Variants in UPRT observed in about 807,000 individuals in gnomAD.
UPRT encodes RP11-311P8.3.
Under a neutral mutation model 22.6 loss-of-function variants are expected in UPRT, and 5 were observed. That is an observed-to-expected ratio of 0.22 (90% confidence interval 0.12 to 0.47). The LOEUF is 0.47. Among genes scored for constraint, UPRT ranks in the 20% least tolerant of loss-of-function variants. UPRT has a pLI of 0.99. For missense variants in UPRT, 181 were observed against 239.9 expected (o/e 0.75, Z 1.62); for synonymous variants, 77 against 87.7 (o/e 0.88, Z 0.68).
chrX:75,251,865 T>C lies in UPRT; in HGVS notation c.-446-39159T>C, dbSNP rs2082531462. ...CATGGTACTGGTACCAAAACAGAGA[T>C]ATAGACCAATGGAACAGAACAGAGC... On this transcript the variant is annotated intron_variant, in intron 4 of 13. Transcript: ENST00000652605. Among the ~76,000 whole-genome samples the C allele has an allele frequency of 5.4e-5, 6 of 110,495 alleles. No homozygotes were observed. In the Admixed American group the frequency reaches 5.8e-4, roughly 11 times the overall value.
At chrX:75,163,270 C>T (rs1452815767) in intron 3 of UPRT, among the ~76,000 whole-genome samples, 1 of 111,897 alleles carries the variant, frequency 8.9e-6, no homozygotes, top group African/African-American at 3.2e-5. Context: ...GAAACAGAAT[C>T]TCTTTGGTTT....
intron 4 of UPRT, among the ~76,000 whole-genome samples, chrX:75,191,725 A>C (rs2082315908): frequency 8.9e-6 from 1 of 112,099 alleles, no homozygotes; most frequent in African/African-American, 3.2e-5. Context: ...CTGTGCTAGC[A>C]ATGAGCGAGG....
chrX:75,213,390 A>G (rs944755488), intron 4 of UPRT, among the ~76,000 whole-genome samples: 31 of 112,267 alleles, frequency 2.8e-4, no homozygotes, highest in Non-Finnish European at 2.6e-4. Context: ...ATTTAAAAAA[A>G]TGATTACTTT....
chrX:75,240,668 G>A (rs1362569581), intron 4 of UPRT, among the ~76,000 whole-genome samples: 3 of 111,583 alleles, frequency 2.7e-5, no homozygotes, highest in Non-Finnish European at 5.7e-5. Flanking sequence ...CACATTACTT[G>A]ACTTCAAAGT....
intron 4 of UPRT, among the ~76,000 whole-genome samples, chrX:75,248,497 G>A (rs963631764): frequency 8.9e-6 from 1 of 111,747 alleles, no homozygotes; most frequent in Non-Finnish European, 1.9e-5. Context: ...AGTGTGAAGA[G>A]AAGTTTAGAG....
At chrX:75,186,850 T>C (rs374532393) in intron 4 of UPRT, among the ~76,000 whole-genome samples, 16 of 110,844 alleles carry the variant, frequency 1.4e-4, no homozygotes, top group South Asian at 7.6e-4. Flanking sequence ...GCAACCCCTG[T>C]CTTTTTTTGT....
intron 4 of UPRT, among the ~76,000 whole-genome samples, chrX:75,175,917 C>T (rs925645362): frequency 1.8e-5 from 2 of 110,984 alleles, no homozygotes; most frequent in Admixed American, 9.6e-5. Flanking sequence ...GAGTTTGCCA[C>T]GTTTAATAAT....
At chrX:75,249,395 T>G (rs1306935752) in intron 4 of UPRT, among the ~76,000 whole-genome samples, 1 of 110,896 alleles carries the variant, frequency 9.0e-6, no homozygotes, top group Non-Finnish European at 1.9e-5. Context: ...CAAAAAAAAG[T>G]CAGTGGTTGC....
At position 75,191,417 on chromosome X, in the gene UPRT, G is replaced by C. The variant is rs1056880701; in HGVS notation, c.-447+23538G>C. On this transcript the variant is annotated intron_variant, in intron 4 of 13. Transcript: ENST00000652605. The stretch of plus-strand genomic sequence containing the variant: ...GGGGTGCTTCCCAGTTAGGCTACTC[G>C]GGGGTGAGGGACCCACTTGAGGAGG... 9.0e-5 allele frequency among the ~76,000 whole-genome samples: 10 copies of C among 111,673 alleles called. No individual in the cohort carries two copies. The Admixed American group carries it at 9.5e-4, about 11-fold the overall frequency.
chrX:75,248,479 T>C (rs2082515358), intron 4 of UPRT, among the ~76,000 whole-genome samples: 1 of 111,330 alleles, frequency 9.0e-6, no homozygotes, highest in African/African-American at 3.3e-5. Context: ...ACAAAATGAA[T>C]GAAATGAAGT....
At chrX:75,240,493 G>A (rs1383470273) in intron 4 of UPRT, among the ~76,000 whole-genome samples, 2 of 111,495 alleles carry the variant, frequency 1.8e-5, no homozygotes, top group Non-Finnish European at 1.9e-5. Context: ...CATGGATGGG[G>A]AGCACACTGC....
At chrX:75,219,652 C>G (rs2082404030) in intron 4 of UPRT, among the ~76,000 whole-genome samples, 1 of 111,076 alleles carries the variant, frequency 9.0e-6, no homozygotes, top group Non-Finnish European at 1.9e-5. Context: ...AGATAGGGGC[C>G]AATTCAGTGA....
chrX:75,185,827 C>A (rs2082288324), intron 4 of UPRT, among the ~76,000 whole-genome samples: 1 of 111,427 alleles, frequency 9.0e-6, no homozygotes, highest in African/African-American at 3.3e-5. Context: ...TTGTAATATT[C>A]TCTGATGGTA....
chrX:75,250,033 C>T (rs751629521), intron 4 of UPRT, among the ~76,000 whole-genome samples: 1 of 111,750 alleles, frequency 8.9e-6, no homozygotes, highest in Non-Finnish European at 1.9e-5. Flanking sequence ...ACACAACATA[C>T]CAGAATCTCT....
chrX:75,188,624 C>T (rs895998050), intron 4 of UPRT, among the ~76,000 whole-genome samples: 2 of 112,531 alleles, frequency 1.8e-5, no homozygotes, highest in Non-Finnish European at 3.8e-5. Context: ...CCCCGAGCCT[C>T]GCTGCCACCT....
chrX:75,283,507 T>C (rs1302028310), intron 1 of UPRT, among the ~76,000 whole-genome samples: 2 of 111,807 alleles, frequency 1.8e-5, no homozygotes, highest in East Asian at 5.6e-4. Context: ...GTGAATTCTC[T>C]TAGCCTTTGT....
chrX:75,179,158 G>A (rs1454381181), intron 4 of UPRT, among the ~76,000 whole-genome samples: 1 of 111,372 alleles, frequency 9.0e-6, no homozygotes, highest in Non-Finnish European at 1.9e-5. Context: ...TACAAACCTT[G>A]AGCTAGACAT....
rs752858712 is a variant in UPRT at position 75,188,779 on chromosome X, C to G, written c.-447+20900C>G. Among the ~76,000 whole-genome samples, 43 of 112,048 alleles carry G rather than the reference C, an allele frequency of 3.8e-4. No individual in the cohort carries two copies. In the South Asian group the frequency reaches 0.016, roughly 42 times the overall value. ...GCGCAGTATTCAGGTGGGAGTGACC[C>G]GATCTTCCAGGTGCCGTCTGTCACC... On this transcript the variant is annotated intron_variant, in intron 4 of 13. Coordinates refer to the UPRT transcript ENST00000652605.
At chrX:75,258,044 G>C (rs762057212) in intron 4 of UPRT, among the ~76,000 whole-genome samples, 1 of 110,030 alleles carries the variant, frequency 9.1e-6, no homozygotes, top group South Asian at 4.0e-4. Flanking sequence ...TTGAGGAATG[G>C]TGCACTCTGG....
Sources: gnomAD v4.1 joint callset for allele counts (sites outside exome capture counted in the v4.1 genomes callset) on GRCh38, gnomAD v4.1.1 for gene constraint, MANE v1.5 for transcripts, NCBI Gene and HGNC (gene_info 2026-07-23, HGNC 2026-07-21) for gene names.